Variants in SCOC observed in about 807,000 individuals in gnomAD.
SCOC encodes the protein short coiled-coil protein.
Under a neutral mutation model 9.9 loss-of-function variants are expected in SCOC, and 7 were observed. That is an observed-to-expected ratio of 0.71 (90% CI 0.40 to 1.33). SCOC has a LOEUF of 1.33. Among genes scored for constraint, SCOC ranks in the 40% most tolerant of loss-of-function variants. The pLI is 0.01. For missense variants in SCOC, 66 were observed against 89.7 expected, an observed-to-expected ratio of 0.74 and a Z score of 1.07; for synonymous variants, 19 against 28.2, an observed-to-expected ratio of 0.67 and a Z score of 1.03.
At chr4:140,327,704 C>T (rs1267834883) in intron 1 of SCOC, among the ~76,000 whole-genome samples, 3 of 152,210 alleles carry the variant, frequency 2.0e-5, no homozygotes, top group Non-Finnish European at 4.4e-5. Flanking sequence ...CATGCTATAA[C>T]AATGAATAGT....
In SCOC at chr4:140,289,420, C is replaced by T. The variant is rs542472106; in HGVS notation, c.-19+32010C>T. On this transcript the variant is annotated intron_variant, in intron 1 of 4. Transcript: ENST00000394205. ...TGACAGGTGATAGAGTGAGTGTGTC[C>T]CATGGCTCCACCCCCTCATTTCCTT... Among the ~76,000 whole-genome samples the T allele has an allele frequency of 1.4e-3, 211 of 152,240 alleles. 1 individual carries two copies. The highest frequency in any genetic ancestry group is 5.0e-3 in the African/African-American group (208 of 41,534).
At chr4:140,351,657 T>G (rs930800073) in intron 2 of SCOC, among the ~76,000 whole-genome samples, 2 of 151,874 alleles carry the variant, frequency 1.3e-5, no homozygotes, top group Non-Finnish European at 2.9e-5. Context: ...CAATACCCCC[T>G]CACGCCCTGC....
intron 1 of SCOC, among the ~76,000 whole-genome samples, chr4:140,281,842 G>C (rs1731104737): frequency 6.6e-6 from 1 of 152,164 alleles, no homozygotes; most frequent in African/African-American, 2.4e-5. Flanking sequence ...GGGCGAGGGG[G>C]GACCCTAGTA....
At chr4:140,261,702 G>A (rs1005124139) in intron 1 of SCOC, among the ~76,000 whole-genome samples, 5 of 152,224 alleles carry the variant, frequency 3.3e-5, no homozygotes, top group African/African-American at 9.7e-5. Flanking sequence ...TAGAATATAA[G>A]CAAATATACC....
intron 2 of SCOC, among the ~76,000 whole-genome samples, chr4:140,358,925 C>T (rs1244054550): frequency 6.6e-6 from 1 of 152,164 alleles, no homozygotes; most frequent in Non-Finnish European, 1.5e-5. Context: ...ACCAAGAACT[C>T]TTTGATTTAT....
At chr4:140,347,633 A>G (rs1726794483) in intron 2 of SCOC, among the ~76,000 whole-genome samples, 1 of 151,580 alleles carries the variant, frequency 6.6e-6, no homozygotes, top group Non-Finnish European at 1.5e-5. Flanking sequence ...TTCCATTCTC[A>G]CCGCCCGTTG....
At chr4:140,261,465 C>T (rs61143808) in intron 1 of SCOC, among the ~76,000 whole-genome samples, 5,043 of 152,260 alleles carry the variant, frequency 0.033, 106 homozygotes, top group Middle Eastern at 0.058. Flanking sequence ...CAGACTTTGC[C>T]ACAATAGTGC....
At chr4:140,284,072 AGGGCCACG>A (rs559045037) in intron 1 of SCOC, 1 of 152,320 alleles carries the variant, frequency 6.6e-6, no homozygotes, top group South Asian at 2.1e-4. Context: ...GAGAGAGAGC[AGGGCCACG>A]GGGTGTCGTG....
chr4:140,311,043 A>T (rs996221319), intron 1 of SCOC, among the ~76,000 whole-genome samples: 8 of 152,022 alleles, frequency 5.3e-5, no homozygotes, highest in African/African-American at 1.9e-4. Context: ...GTTAACTCCT[A>T]CTCCTCAATC....
chr4:140,373,069 G>C (rs140943096), upstream of SCOC, among the ~76,000 whole-genome samples: 84 of 152,326 alleles, frequency 5.5e-4, no homozygotes, highest in African/African-American at 2.0e-3. Flanking sequence ...TTTAATAATA[G>C]TTTCGGAGGA....
chr4:140,360,290 T>C (rs1011746278), intron 2 of SCOC, among the ~76,000 whole-genome samples: 1 of 152,220 alleles, frequency 6.6e-6, no homozygotes, highest in Non-Finnish European at 1.5e-5. Flanking sequence ...CAGCATACCA[T>C]CTCAAAGAGA....
chr4:140,291,516 C>A (rs1027869122), intron 1 of SCOC: 1 of 457,192 alleles, frequency 2.2e-6, no homozygotes, highest in African/African-American at 2.0e-5. Flanking sequence ...CCACAAGGTC[C>A]AGGTCTCCTG....
intron 1 of SCOC, among the ~76,000 whole-genome samples, chr4:140,272,793 G>T (rs922176972): frequency 3.3e-5 from 5 of 152,114 alleles, no homozygotes; most frequent in African/African-American, 1.2e-4. Flanking sequence ...TTTTCCAAAG[G>T]TCTGCTATAT....
chr4:140,382,307 G>A lies in SCOC; in HGVS notation c.*1203G>A, dbSNP rs1363640515. On this transcript the variant is annotated 3_prime_UTR_variant, in exon 4 of 4. Coordinates refer to ENST00000608372, the MANE Select transcript of SCOC (RefSeq NM_001153484.2). Reference sequence around the variant, plus strand: ...TCCATTTGGTAAGGAAATCAATATTGGAAGTATTGCTAAAATCTTATAATA... The same window carrying A: ...TCCATTTGGTAAGGAAATCAATATTAGAAGTATTGCTAAAATCTTATAATA... 1 of 152,346 alleles carries A rather than the reference G, an allele frequency of 6.6e-6. No homozygotes were observed. The highest frequency in any genetic ancestry group is 1.5e-5 in the Non-Finnish European group (1 of 68,010). 9.4% of individuals were successfully genotyped at this position (152,346 alleles called of 1,614,324 possible).
chr4:140,325,508 C>T (rs1034193609), intron 1 of SCOC, among the ~76,000 whole-genome samples: 11 of 152,016 alleles, frequency 7.2e-5, no homozygotes, highest in African/African-American at 2.4e-4. Flanking sequence ...AGAAACAACC[C>T]AATCTTACAA....
intron 1 of SCOC, among the ~76,000 whole-genome samples, chr4:140,277,447 G>A (rs34070717): frequency 0.092 from 14,037 of 152,098 alleles, 1,018 homozygotes; most frequent in East Asian, 0.28. Flanking sequence ...CTATTCCATT[G>A]TTATTCCATT....
At chr4:140,337,707 T>C (rs1157020321) in intron 1 of SCOC, among the ~76,000 whole-genome samples, 5 of 152,044 alleles carry the variant, frequency 3.3e-5, no homozygotes, top group African/African-American at 4.8e-5. Context: ...CTGGAAGAAA[T>C]GGATAAATTC....
At chr4:140,322,224 G>A (rs1732520431) in intron 1 of SCOC, among the ~76,000 whole-genome samples, 2 of 152,208 alleles carry the variant, frequency 1.3e-5, no homozygotes, top group African/African-American at 4.8e-5. Context: ...AAATGTGGAA[G>A]CAACTTTGTA....
At chr4:140,314,048 G>A (rs1316425734) in intron 1 of SCOC, 1 of 150,944 alleles carries the variant, frequency 6.6e-6, no homozygotes, top group East Asian at 1.9e-4. Flanking sequence ...AGAATTTCTT[G>A]AACCAGGAGG....
Sources: allele counts gnomAD v4.1 joint callset (sites outside exome capture counted in the v4.1 genomes callset), GRCh38; gene constraint gnomAD v4.1.1; transcripts MANE v1.5; gene names NCBI Gene and HGNC (gene_info 2026-07-23, HGNC 2026-07-21).